Variants in KCNH6 observed in about 807,000 individuals in gnomAD.
The protein encoded by KCNH6 is voltage-gated inwardly rectifying potassium channel KCNH6.
A neutral mutation model predicts 83.4 loss-of-function variants in KCNH6; 81 were observed. That is an observed-to-expected ratio of 0.97 (90% CI 0.81 to 1.17). The LOEUF (loss-of-function observed/expected upper bound fraction) is 1.17, where lower values mean the gene tolerates loss of function less well. Among genes scored for constraint, KCNH6 ranks in the 50% most tolerant of loss-of-function variants. The probability of loss-of-function intolerance (pLI) is 0.00; values close to 1 mark genes in which losing one functional copy is unlikely to be tolerated. For synonymous variants in KCNH6, 503 were observed against 545.6 expected, an observed-to-expected ratio of 0.92 and a Z score of 1.09; for missense variants, 1,203 against 1,290.5, an observed-to-expected ratio of 0.93 and a Z score of 1.04.
chr17:63,540,398 C>CAG lies in KCNH6; in HGVS notation c.1954+1736_1954+1737insAG, dbSNP rs2032789721. ...AGTAAACCAAGATCACGCCACTGTA[C>CAG]TCCAGCCTGGGTGGCAGAGCGAGAC... On this transcript the variant is annotated intron_variant, in intron 8 of 12. Coordinates refer to ENST00000314672, the MANE Select transcript of KCNH6 (RefSeq NM_001278919.2). Among the ~76,000 whole-genome samples the CAG allele has an allele frequency of 7.2e-5, 11 of 152,018 alleles. 1 individual carries two copies. Among genetic ancestry groups the CAG allele is most frequent in the Admixed American group, 5.9e-4 (9 of 15,264 alleles).
At chr17:63,530,068 C>T (rs747432560) in intron 2 of KCNH6, 23 bp from the exon 3 acceptor site, 1 of 1,610,852 alleles carries the variant, frequency 6.2e-7, no homozygotes, top group Admixed American at 1.7e-5. Context: ...GCCCACCCCC[C>T]ATCCTCCCAA....
At position 63,538,302 on chromosome 17, in the gene KCNH6, G is replaced by A. The variant is rs748480191; in HGVS notation, c.1701+38G>A. 1.2e-6 allele frequency: 2 copies of A among 1,611,962 alleles called. No individual in the cohort carries two copies. Among genetic ancestry groups the A allele is most frequent in the South Asian group, 2.2e-5 (2 of 91,038 alleles). ...GCTCCGGCTAATGCCCCGGGCGTGG[G>A]GGGGAGCCAAGATCCTGCGGGGGCG... On this transcript the variant is annotated intron_variant, in intron 7 of 12. Coordinates refer to ENST00000314672, the MANE Select transcript of KCNH6 (RefSeq NM_001278919.2). This position sits in a 1 kb window ranked among gnomAD's most constrained non-coding sequence, Gnocchi z 4.0.
rs202052106 is a variant in KCNH6 at position 63,530,286 on chromosome 17, G to A, written c.469+34G>A. The A allele has an allele frequency of 1.1e-4, 171 of 1,613,598 alleles. 2 individuals are homozygous for A. The South Asian group carries it at 1.6e-3, about 15-fold the overall frequency. ...GAGTGAGGGTGGTGGTGGGAGGGAC[G>A]CATGAGGGTCCCCTGGCCGTGGCTG... is the stretch of plus-strand genomic sequence containing the variant. On this transcript the variant is annotated intron_variant, in intron 3 of 12. Transcript: ENST00000314672.
rs763758696 is a variant in KCNH6 at position 63,530,448 on chromosome 17, A to G, written c.581A>G (p.Glu194Gly). ...CTCAACTTCGTGGAGTTCAACTTGG[A>G]GAAGCACCGCTCCAGCTCCACCACG... ...FTLNFVEFNL[E>G]KHRSSSTTEI... Residue 194 changes from glutamate to glycine, a missense_variant, in exon 4 of 13, where the codon GAG (glutamate) becomes GGG (glycine). By Grantham distance (98) the Glu-to-Gly change is moderately conservative (BLOSUM62 -2). Transcript: ENST00000314672. The G allele has an allele frequency of 6.2e-7, 1 of 1,614,242 alleles. No individual in the cohort carries two copies. The highest frequency in any genetic ancestry group is 2.2e-5 in the East Asian group (1 of 44,888).
rs2032378598 is a variant in KCNH6 at position 63,534,848 on chromosome 17, C to G, written c.1101+537C>G. On this transcript the variant is annotated intron_variant, in intron 5 of 12. Coordinates refer to ENST00000314672, the MANE Select transcript of KCNH6 (RefSeq NM_001278919.2). The surrounding 1 kb of genome is among the most constrained non-coding windows in gnomAD (Gnocchi z 5.0). ...CTCTGCCTTCTGTGTTCCAGTGCCC[C>G]CTTATCACCCCAGCCTGTCCAGCAG... Among the ~76,000 whole-genome samples, 1 of 152,120 alleles carries G rather than the reference C, an allele frequency of 6.6e-6. No homozygotes were observed. Among genetic ancestry groups the G allele is most frequent in the Non-Finnish European group, 1.5e-5 (1 of 68,012 alleles).
rs80035779 is a variant in KCNH6, at chr17:63,525,546, G to A, written c.307+1177G>A. The stretch of plus-strand genomic sequence containing the variant: ...AGTGCTGAGAGACCAGGTTTCAGGG[G>A]CCTGGAGTGTGTGAAACATGAGCAT... On this transcript the variant is annotated intron_variant, in intron 2 of 12. Transcript: ENST00000314672. Among the ~76,000 whole-genome samples, 1,187 of 152,298 alleles carry A rather than the reference G, an allele frequency of 7.8e-3. 14 individuals are homozygous for A. Among genetic ancestry groups the A allele is most frequent in the African/African-American group, 0.028 (1,146 of 41,560 alleles).
rs757456855 is a variant in KCNH6, at chr17:63,533,872, G to T, written c.676-14G>T. 3.7e-6 allele frequency: 6 copies of T among 1,605,922 alleles called. No homozygotes were observed. The South Asian group carries it at 6.6e-5, about 18-fold the overall frequency. On this transcript the variant is annotated splice_polypyrimidine_tract_variant and intron_variant, in intron 4 of 12. Coordinates refer to ENST00000314672, the MANE Select transcript of KCNH6 (RefSeq NM_001278919.2). The surrounding 1 kb of genome is among the most constrained non-coding windows in gnomAD (Gnocchi z 4.1). The stretch of plus-strand genomic sequence containing the variant: ...GCTGCCCCGTGCCTGACCTCCCTCG[G>T]CCCCCACCCCCAGGTCCTGTCCCTG...
At position 63,523,544 on chromosome 17, in the gene KCNH6, AG is replaced by A. The variant is rs1047617467; in HGVS notation, c.76+62del. ...CGATCTGGAGTCCTGGTTCCGTGAA[AG>A]GGGGGGCTGGACCCCTTTACTAACT... On this transcript the variant is annotated intron_variant, in intron 1 of 12. Transcript: ENST00000314672. The surrounding 1 kb of genome is among the most constrained non-coding windows in gnomAD (Gnocchi z 4.2). The A allele has an allele frequency of 1.7e-5, 25 of 1,458,860 alleles. 1 individual carries two copies. The highest frequency in any genetic ancestry group is 1.2e-4 in the South Asian group (10 of 84,468). 90.4% of individuals were successfully genotyped at this position (1,458,860 alleles called of 1,614,324 possible). A position where few individuals can be genotyped will look rare whatever the true frequency, so the allele number is the denominator to read the frequency against.
rs1194648185 is a variant in KCNH6 at position 63,538,033 on chromosome 17, G to A, written c.1502-32G>A. ...CTTGGTGGTGTGGCCCAGTGGGGCC[G>A]CGGAGGAGCTCACTCTCCGCCCCGC... On this transcript the variant is annotated intron_variant, in intron 6 of 12. Coordinates refer to ENST00000314672, the MANE Select transcript of KCNH6 (RefSeq NM_001278919.2). This position sits in a 1 kb window ranked among gnomAD's most constrained non-coding sequence, Gnocchi z 4.0. 3.1e-6 allele frequency: 5 copies of A among 1,603,174 alleles called. No homozygotes were observed. The highest frequency in any genetic ancestry group is 4.3e-6 in the Non-Finnish European group (5 of 1,175,936).
At position 63,538,274 on chromosome 17, in the gene KCNH6, G is replaced by C. The variant is rs1413952127; in HGVS notation, c.1701+10G>C. 6.2e-7 allele frequency: 1 copy of C among 1,610,470 alleles called. No individual in the cohort carries two copies. The highest frequency in any genetic ancestry group is 2.2e-5 in the East Asian group (1 of 44,800). ...CATTGACATGAACGCGGTGAGCCCC[G>C]CCGCTCCGGCTAATGCCCCGGGCGT... On this transcript the variant is annotated intron_variant, in intron 7 of 12. Coordinates refer to ENST00000314672, the MANE Select transcript of KCNH6 (RefSeq NM_001278919.2). The surrounding 1 kb of genome is among the most constrained non-coding windows in gnomAD (Gnocchi z 4.0).
rs749840578 is a variant in KCNH6 at position 63,544,252 on chromosome 17, C to T, written c.2237C>T (p.Ala746Val). ...GFFLSDNQSD[A>V]APPLSISDAS... is the part of the protein sequence containing the mutation. Reference sequence around the variant, plus strand: ...GACTTCCCTTTCCCTCCTGCAGATGCAGCCCCTCCCCTGAGCATCTCAGAT... The same window carrying T: ...GACTTCCCTTTCCCTCCTGCAGATGTAGCCCCTCCCCTGAGCATCTCAGAT... The change falls in exon 11 of 13, where the codon GCA (alanine) becomes GTA (valine). Residue 746 changes from alanine to valine, a missense_variant. Physicochemically the swap from Ala to Val is moderately conservative, Grantham distance 64. Transcript: ENST00000314672. 6.3e-6 allele frequency: 10 copies of T among 1,580,692 alleles called. No homozygotes were observed. In the East Asian group the frequency reaches 1.8e-4, roughly 29 times the overall value.
Position 63,523,420 on chromosome 17 carries a change from G to A in KCNH6, c.7G>A (p.Val3Ile). ...CAGGGGCCGCGGCCGAAAGATGCCG[G>A]TCCGCAGGGGCCACGTCGCTCCCCA... MP[V>I]RRGHVAPQNT... is the part of the protein sequence containing the mutation. Residue 3 changes from valine (V) to isoleucine (I), a missense_variant, in exon 1 of 13, where the codon GTC becomes ATC. Transcript: ENST00000314672. The surrounding 1 kb of genome is among the most constrained non-coding windows in gnomAD (Gnocchi z 4.2). 1.9e-6 allele frequency: 3 copies of A among 1,595,404 alleles called. No homozygotes were observed. Among genetic ancestry groups the A allele is most frequent in the Non-Finnish European group, 2.6e-6 (3 of 1,171,742 alleles).
rs558058636 is a variant in KCNH6 at position 63,528,772 on chromosome 17, C to T, written c.308-1319C>T. 2.2e-4 allele frequency among the ~76,000 whole-genome samples: 33 copies of T among 152,320 alleles called. 1 individual carries two copies. The South Asian group carries it at 5.0e-3, about 23-fold the overall frequency. ...ACAGTTTGAGTTGAGGGACATAGGACTCCCATGGAGAGGGTGCTCGTGGGG... is the reference window on the plus strand; with the variant it reads ...ACAGTTTGAGTTGAGGGACATAGGATTCCCATGGAGAGGGTGCTCGTGGGG... On this transcript the variant is annotated intron_variant, in intron 2 of 12. Transcript: ENST00000314672.
At chr17:63,525,150 T>TGACTCAGAAGGTGTGAGATGAGGCC (rs1568063795) in intron 2 of KCNH6, among the ~76,000 whole-genome samples, 1 of 152,222 alleles carries the variant, frequency 6.6e-6, no homozygotes, top group Non-Finnish European at 1.5e-5. Flanking sequence ...ACAGAGAGGC[T>TGACTCAGAAGGTGTGAGATGAGGCC]GACTCAGAAG....
In KCNH6 at chr17:63,527,816, C is replaced by A. The variant is rs560385430; in HGVS notation, c.308-2275C>A. On this transcript the variant is annotated intron_variant, in intron 2 of 12. Coordinates refer to ENST00000314672, the MANE Select transcript of KCNH6 (RefSeq NM_001278919.2). ...ACCTGGGGCAGGGGGAGAGAGAATG[C>A]TCTGGACTCTTCCAAATCCTCCTAG... 2.6e-5 allele frequency among the ~76,000 whole-genome samples: 4 copies of A among 152,246 alleles called. No homozygotes were observed. The East Asian group carries it at 7.7e-4, about 29-fold the overall frequency.
Position 63,542,332 on chromosome 17 carries a change from G to A in KCNH6, c.2046G>A (p.Leu682=). 1 of 1,614,164 alleles carries A rather than the reference G, an allele frequency of 6.2e-7. No homozygotes were observed. The highest frequency in any genetic ancestry group is 8.5e-7 in the Non-Finnish European group (1 of 1,180,038). ...ADVRALTYCD[L]HKIQRADLLE... is the part of the protein sequence containing the mutation. ...TGCGGGCTCTGACCTACTGCGACCT[G>A]CACAAGATCCAGCGGGCAGATCTGC... The change falls in exon 9 of 13, where the codon CTG becomes CTA. Residue 682 remains leucine (L), a synonymous_variant. Transcript: ENST00000314672.
chr17:63,528,560 C>T (rs2031869474), intron 2 of KCNH6, among the ~76,000 whole-genome samples: 1 of 152,196 alleles, frequency 6.6e-6, no homozygotes, highest in South Asian at 2.1e-4. Flanking sequence ...CAGTGATACT[C>T]CCACCAGCGG....
rs780346529 is a variant in KCNH6, at chr17:63,530,384, G to A, written c.517G>A (p.Gly173Ser). 5 of 1,614,090 alleles carry A rather than the reference G, an allele frequency of 3.1e-6. No homozygotes were observed. The Admixed American group carries it at 6.7e-5, about 22-fold the overall frequency. The change falls in exon 4 of 13, where the codon GGC (glycine) becomes AGC (serine). Residue 173 changes from glycine (G) to serine (S), a missense_variant. Transcript: ENST00000314672. ...CGGACCAGGGCCAGGCACAGGCAGGGGCAAGTACAGGACCATCAGCCAGAT... is the reference window on the plus strand; with the variant it reads ...CGGACCAGGGCCAGGCACAGGCAGGAGCAAGTACAGGACCATCAGCCAGAT... ...PGGPGPGTGRGKYRTISQIPQ... is the reference protein window; with the variant it reads ...PGGPGPGTGRSKYRTISQIPQ...
chr17:63,536,738 T>C (rs1369197023), intron 6 of KCNH6, among the ~76,000 whole-genome samples: 1 of 151,682 alleles, frequency 6.6e-6, no homozygotes, highest in Admixed American at 6.6e-5. Flanking sequence ...GGGCGGATCA[T>C]GAGGTCAGGA....
Sources: allele counts gnomAD v4.1 joint callset (sites outside exome capture counted in the v4.1 genomes callset), GRCh38; gene constraint gnomAD v4.1.1; non-coding constraint Gnocchi (gnomAD v3.1); transcripts MANE v1.5; gene names NCBI Gene and HGNC (gene_info 2026-07-23, HGNC 2026-07-21).